BCAS3: variants seen among roughly 807,000 people sequenced by gnomAD.
BCAS3 encodes the protein BCAS3 microtubule associated cell migration factor, also known as BCAS4/BCAS3 fusion.
A neutral mutation model predicts 116.1 loss-of-function variants in BCAS3; 53 were observed. That is an observed-to-expected ratio of 0.46 (90% CI 0.37 to 0.57). The LOEUF (loss-of-function observed/expected upper bound fraction) is 0.57. Among genes scored for constraint, BCAS3 ranks in the 20% least tolerant of loss-of-function variants. The pLI, the probability that BCAS3 is intolerant of heterozygous loss-of-function variation, is 0.00. For synonymous variants in BCAS3, 391 were observed against 408.2 expected, an observed-to-expected ratio of 0.96 and a Z score of 0.51; for missense variants, 917 against 1,165.4, an observed-to-expected ratio of 0.79 and a Z score of 3.10.
intron 13 of BCAS3, 100 bp from the exon 14 acceptor site, chr17:60,947,119 T>C (rs1163504286): frequency 1.7e-6 from 2 of 1,208,630 alleles, no homozygotes; most frequent in Non-Finnish European, 2.3e-6. Context: ...GTAATTTTTT[T>C]CCCATTGGTA....
At chr17:60,684,481 A>G (rs1598023373) in intron 3 of BCAS3, among the ~76,000 whole-genome samples, 1 of 151,040 alleles carries the variant, frequency 6.6e-6, no homozygotes, top group Non-Finnish European at 1.5e-5. Context: ...CTGTTACTCT[A>G]ACTGATAAAA....
In BCAS3 at chr17:60,954,416, C is replaced by CA. The variant is rs550430584; in HGVS notation, c.1221+7074dup. Among the ~76,000 whole-genome samples the CA allele has an allele frequency of 9.2e-4, 136 of 147,700 alleles. No homozygotes were observed. The Middle Eastern group carries it at 0.01, about 11-fold the overall frequency. On this transcript the variant is annotated intron_variant, in intron 14 of 23. Coordinates refer to ENST00000407086, the MANE Select transcript of BCAS3 (RefSeq NM_017679.5). ...TATTTTAGAAAATTGTGGTGAAATGCAAAAAAAAAATTCCACCATTTTTAC... is the reference window on the plus strand; with the variant it reads ...TATTTTAGAAAATTGTGGTGAAATGCAAAAAAAAAAATTCCACCATTTTTAC...
rs1190852312 is a variant in BCAS3, at chr17:60,962,004, A to G, written c.1221+14652A>G. ...CCTCCAGTTTCAGCTATGTTGCTGCAAATGACAGGATTTCATTCTTTTTTT... is the reference window on the plus strand; with the variant it reads ...CCTCCAGTTTCAGCTATGTTGCTGCGAATGACAGGATTTCATTCTTTTTTT... On this transcript the variant is annotated intron_variant, in intron 14 of 23. Transcript: ENST00000407086. The surrounding 1 kb of genome is among the most constrained non-coding windows in gnomAD (Gnocchi z 4.4). Among the ~76,000 whole-genome samples the G allele has an allele frequency of 6.6e-6, 1 of 152,222 alleles. No homozygotes were observed. Among genetic ancestry groups the G allele is most frequent in the East Asian group, 1.9e-4 (1 of 5,202 alleles).
rs150061118 is a variant in BCAS3, at chr17:61,375,246, G to GTGTGTGTGTGCGCGCGCGCGCGCGCACA, written c.2593+6761_2593+6762insGCGCGCGCGCGCGCGCACATGTGTGTGT. 2.7e-3 allele frequency among the ~76,000 whole-genome samples: 409 copies of GTGTGTGTGTGCGCGCGCGCGCGCGCACA among 150,776 alleles called. 3 individuals carry two copies. Among genetic ancestry groups the GTGTGTGTGTGCGCGCGCGCGCGCGCACA allele is most frequent in the African/African-American group, 9.8e-3 (393 of 40,268 alleles). ...TGTGTGTGTGTGTGTGTGTGTGTGTGTGTGTGTGTACTAATAAAGTCTTTC... is the reference window on the plus strand; with the variant it reads ...TGTGTGTGTGTGTGTGTGTGTGTGTGTGTGTGTGTGCGCGCGCGCGCGCGCACATGTGTGTGTACTAATAAAGTCTTTC... On this transcript the variant is annotated intron_variant, in intron 23 of 23. Transcript: ENST00000407086.
intron 22 of BCAS3, among the ~76,000 whole-genome samples, chr17:61,120,018 G>T (rs2075703494): frequency 6.6e-6 from 1 of 152,040 alleles, no homozygotes; most frequent in South Asian, 2.1e-4. Flanking sequence ...AATATATCAT[G>T]TTCTGAATAA....
intron 5 of BCAS3, among the ~76,000 whole-genome samples, chr17:60,728,175 A>T (rs974363629): frequency 6.6e-5 from 10 of 152,186 alleles, no homozygotes; most frequent in African/African-American, 2.4e-4. Flanking sequence ...CCACCATTGT[A>T]ATATCACACA....
intron 22 of BCAS3, among the ~76,000 whole-genome samples, chr17:61,240,712 G>A (rs188607963): frequency 1.0e-3 from 159 of 152,248 alleles, no homozygotes; most frequent in African/African-American, 3.7e-3. Flanking sequence ...ATCAGCCTTA[G>A]CACACATACA....
At chr17:60,817,568 A>G (rs1422043592) in intron 7 of BCAS3, among the ~76,000 whole-genome samples, 1 of 152,220 alleles carries the variant, frequency 6.6e-6, no homozygotes, top group Admixed American at 6.5e-5. Context: ...ATGTCATTTA[A>G]CTGCCTTGTG....
At chr17:61,254,039 C>A (rs764249899) in intron 22 of BCAS3, among the ~76,000 whole-genome samples, 22 of 152,224 alleles carry the variant, frequency 1.4e-4, no homozygotes, top group Middle Eastern at 3.4e-3. Context: ...ACATCAGGCC[C>A]ACTGGGACCC....
intron 22 of BCAS3, among the ~76,000 whole-genome samples, chr17:61,319,307 A>G (rs541842698): frequency 6.6e-5 from 10 of 152,232 alleles, no homozygotes; most frequent in Non-Finnish European, 1.0e-4. Flanking sequence ...ATAAAAGGGC[A>G]TAATCTTGGT....
chr17:61,039,653 C>T (rs1441690173), intron 18 of BCAS3, among the ~76,000 whole-genome samples: 1 of 152,112 alleles, frequency 6.6e-6, no homozygotes, highest in African/African-American at 2.4e-5. Context: ...GATCTCCTGA[C>T]CTCATGATCC....
intron 4 of BCAS3, among the ~76,000 whole-genome samples, chr17:60,692,967 A>G (rs1237427275): frequency 6.6e-6 from 1 of 151,908 alleles, no homozygotes; most frequent in Non-Finnish European, 1.5e-5. Context: ...CTTAGGAGAA[A>G]TCAGAAAAGA....
Position 61,045,823 on chromosome 17 carries a change from T to C in BCAS3, c.2029+4931T>C, listed in dbSNP as rs866116883. On this transcript the variant is annotated intron_variant, in intron 19 of 23. Transcript: ENST00000407086. ...AGAGTGAGTGAGACTTCATCTCTCT[T>C]TCTCTCTCTCTCTCTCTCTCTCTCT... is the stretch of plus-strand genomic sequence containing the variant. 6.6e-4 allele frequency among the ~76,000 whole-genome samples: 23 copies of C among 34,614 alleles called. 1 individual carries two copies. Among genetic ancestry groups the C allele is most frequent in the African/African-American group, 3.6e-3 (14 of 3,850 alleles). 22.7% of individuals were successfully genotyped at this position (34,614 alleles called of 152,430 possible).
rs1159717520 is a variant in BCAS3 at position 61,200,502 on chromosome 17, G to A, written c.2425+115938G>A. ...AAGGGCCCTCGGCTTGCCGAAGGCC[G>A]TATGGTAAATCAATGACCGAGCTGG... On this transcript the variant is annotated intron_variant, in intron 22 of 23. Coordinates refer to ENST00000407086, the MANE Select transcript of BCAS3 (RefSeq NM_017679.5). This position sits in a 1 kb window ranked among gnomAD's most constrained non-coding sequence, Gnocchi z 5.1. Among the ~76,000 whole-genome samples, 3 of 152,322 alleles carry A rather than the reference G, an allele frequency of 2.0e-5. No individual in the cohort carries two copies. Among genetic ancestry groups the A allele is most frequent in the Non-Finnish European group, 2.9e-5 (2 of 68,028 alleles).
At chr17:60,743,567 G>A in intron 5 of BCAS3, among the ~76,000 whole-genome samples, 1 of 151,282 alleles carries the variant, frequency 6.6e-6, no homozygotes, top group East Asian at 1.9e-4. Context: ...GTATCTATAG[G>A]GGAAAGTGGG....
intron 19 of BCAS3, among the ~76,000 whole-genome samples, chr17:61,060,356 CGAT>C (rs1256664206): frequency 6.6e-6 from 1 of 151,172 alleles, no homozygotes; most frequent in East Asian, 2.0e-4. Context: ...AGTATGGTCT[CGAT>C]CTCCTGACCT....
Position 61,327,059 on chromosome 17 carries a change from A to G in BCAS3, c.2426-41268A>G, listed in dbSNP as rs1235751278. 1.3e-5 allele frequency among the ~76,000 whole-genome samples: 2 copies of G among 152,332 alleles called. No homozygotes were observed. Among genetic ancestry groups the G allele is most frequent in the East Asian group, 3.9e-4 (2 of 5,190 alleles). ...GGTGGCTCACACCTGTAATCCCAGC[A>G]CTTTGGGAGGCCGAGGTAGGCAGAT... On this transcript the variant is annotated intron_variant, in intron 22 of 23. Coordinates refer to ENST00000407086, the MANE Select transcript of BCAS3 (RefSeq NM_017679.5). The surrounding 1 kb of genome is among the most constrained non-coding windows in gnomAD (Gnocchi z 5.9).
chr17:61,163,182 G>T (rs1369451578), intron 22 of BCAS3, among the ~76,000 whole-genome samples: 3 of 152,016 alleles, frequency 2.0e-5, no homozygotes, highest in African/African-American at 7.2e-5. Flanking sequence ...CCCAGCACCT[G>T]GGGAGGCCGA....
In BCAS3 at chr17:60,868,561, T is replaced by C. The variant is rs2054833495; in HGVS notation, c.477-15T>C. On this transcript the variant is annotated splice_polypyrimidine_tract_variant and intron_variant, in intron 7 of 23. Coordinates refer to ENST00000407086, the MANE Select transcript of BCAS3 (RefSeq NM_017679.5). ...TTTAAAAAAATGACATTTTTCTTTCTTTTTTCTTTTTTAGCACAAGCCCAC... is the reference window on the plus strand; with the variant it reads ...TTTAAAAAAATGACATTTTTCTTTCCTTTTTCTTTTTTAGCACAAGCCCAC... 2 of 1,505,754 alleles carry C rather than the reference T, an allele frequency of 1.3e-6. No individual in the cohort carries two copies. The highest frequency in any genetic ancestry group is 1.8e-6 in the Non-Finnish European group (2 of 1,125,952). The allele number at this position is 1,505,754 out of a possible 1,614,324, so 93.3% of individuals were successfully genotyped here.
Sources: allele counts gnomAD v4.1 joint callset (sites outside exome capture counted in the v4.1 genomes callset), GRCh38; gene constraint gnomAD v4.1.1; non-coding constraint Gnocchi (gnomAD v3.1); transcripts MANE v1.5; gene names NCBI Gene and HGNC (gene_info 2026-07-23, HGNC 2026-07-21).